The following GLB1 variants were observed in gnomAD, a reference collection of about 807,000 sequenced individuals.
The protein encoded by GLB1 is galactosidase beta 1, also known as beta-galactosidase.
GLB1 carries 56 observed loss-of-function variants against 74.0 expected under a neutral mutation model. The observed-to-expected ratio is 0.76, with a 90% CI of 0.61 to 0.94. The LOEUF (loss-of-function observed/expected upper bound fraction) is 0.94, where lower values mean the gene tolerates loss of function less well. Ranked by LOEUF, GLB1 falls within the 40% of genes least tolerant of loss-of-function variation. The probability of loss-of-function intolerance (pLI) is 0.00; values close to 1 mark genes in which losing one functional copy is unlikely to be tolerated. For missense variants in GLB1, 787 were observed against 845.5 expected (o/e 0.93, Z 0.86); for synonymous variants, 323 against 323.6 (o/e 1.00, Z 0.02).
At chr3:33,007,699 A>G (rs751136903) in intron 15 of GLB1, among the ~76,000 whole-genome samples, 15 of 152,354 alleles carry the variant, frequency 9.8e-5, no homozygotes, top group Admixed American at 2.6e-4. Context: ...TTGAGTGGAC[A>G]TATGGATTAG....
intron 1 of GLB1, 26 bp downstream of exon 1, chr3:33,096,985 C>G: frequency 6.2e-7 from 1 of 1,609,606 alleles, no homozygotes; most frequent in Non-Finnish European, 8.5e-7. Context: ...GCAATGCCTC[C>G]CCGTACCCGG....
Position 33,018,580 on chromosome 3 carries a change from A to T in GLB1, c.1234-19T>A, listed in dbSNP as rs1236064974. 17 of 1,613,290 alleles carry T rather than the reference A, an allele frequency of 1.1e-5. No homozygotes were observed. The East Asian group carries it at 3.8e-4, about 36-fold the overall frequency. The stretch of plus-strand genomic sequence containing the variant: ...CATAATGCTGGTTAGAAAAGGATTT[A>T]AGAAAAATACATCACTATTGCCATT... On this transcript the variant is annotated intron_variant, in intron 12 of 15. Transcript: ENST00000307363.
At chr3:33,018,738 G>T (rs55970801) in intron 12 of GLB1, among the ~76,000 whole-genome samples, 177 bp from the exon 13 acceptor site, 1 of 152,104 alleles carries the variant, frequency 6.6e-6, no homozygotes, top group South Asian at 2.1e-4. Flanking sequence ...TTAGGTCATC[G>T]AATATCTATC....
intron 12 of GLB1, 29 bp from the exon 13 acceptor site, chr3:33,018,590 C>T: frequency 1.2e-6 from 2 of 1,609,914 alleles, no homozygotes; most frequent in Non-Finnish European, 1.7e-6. Context: ...AAGAAAAATA[C>T]ATCACTATTG....
intron 11 of GLB1, among the ~76,000 whole-genome samples, chr3:33,021,951 G>A (rs931492625): frequency 2.0e-5 from 3 of 152,138 alleles, no homozygotes; most frequent in Admixed American, 6.5e-5. Context: ...GAATGAAAAC[G>A]AAGGCTCAGA....
the GLB1 span, among the ~76,000 whole-genome samples, chr3:32,967,351 G>T: frequency 6.6e-6 from 1 of 152,178 alleles, no homozygotes; most frequent in Non-Finnish European, 1.5e-5. Flanking sequence ...AAGATCACCT[G>T]AGGTCAGGAG....
At chr3:33,012,265 C>A (rs1308830629) in intron 15 of GLB1, among the ~76,000 whole-genome samples, 2 of 152,198 alleles carry the variant, frequency 1.3e-5, no homozygotes, top group African/African-American at 4.8e-5. Flanking sequence ...TCTTTCCCAG[C>A]CATTCTCCAA....
the GLB1 span, among the ~76,000 whole-genome samples, chr3:32,987,584 T>C: frequency 2.0e-5 from 3 of 152,218 alleles, no homozygotes; most frequent in Non-Finnish European, 4.4e-5. Flanking sequence ...TCTCTCACTA[T>C]GGTGCCCATG....
intron 9 of GLB1, among the ~76,000 whole-genome samples, chr3:33,049,890 G>A (rs770281203): frequency 8.5e-5 from 13 of 152,138 alleles, no homozygotes; most frequent in Non-Finnish European, 1.8e-4. Context: ...GATAATGCTT[G>A]TAAGCGATGT....
chr3:32,990,711 C>T, the GLB1 span, among the ~76,000 whole-genome samples: 2 of 152,142 alleles, frequency 1.3e-5, no homozygotes, highest in Non-Finnish European at 2.9e-5. Flanking sequence ...CGGTGGCTCA[C>T]GCCTGTAATC....
chr3:33,064,568 G>C (rs1699589745), intron 5 of GLB1, among the ~76,000 whole-genome samples: 1 of 151,730 alleles, frequency 6.6e-6, no homozygotes, highest in Admixed American at 6.6e-5. Context: ...CCTGAGGTCA[G>C]GAGTTTGAGA....
In GLB1 at chr3:33,035,397, A is replaced by C. The variant is rs145368133; in HGVS notation, c.1068+10723T>G. Among the ~76,000 whole-genome samples the C allele has an allele frequency of 1.0e-2, 1,518 of 151,984 alleles. 34 individuals carry two copies. Among genetic ancestry groups the C allele is most frequent in the African/African-American group, 0.035 (1,432 of 41,396 alleles). On this transcript the variant is annotated intron_variant, in intron 10 of 15. Coordinates refer to ENST00000307363, the MANE Select transcript of GLB1 (RefSeq NM_000404.4). ...CAGTGAGCTATGATTGCACCACTGC[A>C]CTCCACCCTGGGCAACAGAACAAGA...
intron 15 of GLB1, among the ~76,000 whole-genome samples, chr3:33,006,694 C>A (rs946305501): frequency 6.6e-6 from 1 of 152,206 alleles, no homozygotes; most frequent in Non-Finnish European, 1.5e-5. Flanking sequence ...CAGAAAGCCA[C>A]ATCCGACTCA....
chr3:33,065,656 T>A (rs1208181343), intron 4 of GLB1, 99 bp from the exon 5 acceptor site: 1 of 1,393,146 alleles, frequency 7.2e-7, no homozygotes, highest in East Asian at 2.5e-5. Flanking sequence ...CACAAATTCG[T>A]AAACTTTTTA....
intron 10 of GLB1, among the ~76,000 whole-genome samples, chr3:33,027,349 G>A (rs372239972): frequency 5.3e-5 from 8 of 152,354 alleles, no homozygotes; most frequent in East Asian, 3.9e-4. Context: ...ACCCCTTGCC[G>A]CTTTATGCCT....
intron 10 of GLB1, among the ~76,000 whole-genome samples, chr3:33,044,675 T>C (rs538237682): frequency 2.6e-5 from 4 of 152,284 alleles, no homozygotes; most frequent in South Asian, 2.1e-4. Context: ...TAAGTCTAGA[T>C]TGTATTTTTT....
chr3:32,990,156 A>G, the GLB1 span, among the ~76,000 whole-genome samples: 1 of 152,136 alleles, frequency 6.6e-6, no homozygotes. Flanking sequence ...GGAATTCTCC[A>G]TTGTCTCTCC....
the GLB1 span, among the ~76,000 whole-genome samples, chr3:32,967,182 G>A: frequency 6.6e-6 from 1 of 152,202 alleles, no homozygotes; most frequent in Non-Finnish European, 1.5e-5. Context: ...AAAGGAAGAA[G>A]CAAAATTATC....
At chr3:33,024,178 C>T in intron 11 of GLB1, 73 bp downstream of exon 11, 1 of 1,491,478 alleles carries the variant, frequency 6.7e-7, no homozygotes, top group African/African-American at 1.4e-5. Context: ...AGCACTTTCA[C>T]TCACTGCTAC....
Sources: allele counts gnomAD v4.1 joint callset (sites outside exome capture counted in the v4.1 genomes callset), GRCh38; gene constraint gnomAD v4.1.1; transcripts MANE v1.5; gene names NCBI Gene and HGNC (gene_info 2026-07-23, HGNC 2026-07-21).